Variants in SPPL3 observed in about 807,000 individuals in gnomAD.
The protein encoded by SPPL3 is signal peptide peptidase like 3.
SPPL3 carries 5 observed loss-of-function variants against 42.4 expected under a neutral mutation model. The observed-to-expected ratio is 0.12, with a 90% confidence interval of 0.06 to 0.25. The LOEUF (loss-of-function observed/expected upper bound fraction) is 0.25. Ranked by LOEUF, SPPL3 falls within the 10% of genes least tolerant of loss-of-function variation. The pLI is 1.00. For synonymous variants in SPPL3, 195 were observed against 181.8 expected, an observed-to-expected ratio of 1.07 and a Z score of -0.58; for missense variants, 235 against 489.0, an observed-to-expected ratio of 0.48 and a Z score of 4.90.
intron 2 of SPPL3, among the ~76,000 whole-genome samples, chr12:120,807,611 T>C (rs1183355106): frequency 6.7e-6 from 1 of 148,160 alleles, no homozygotes; most frequent in Non-Finnish European, 1.5e-5. Flanking sequence ...GAGGCGGAGG[T>C]TGTGGTGAGC....
chr12:120,828,463 T>G (rs1047236076), intron 1 of SPPL3, among the ~76,000 whole-genome samples: 2 of 149,546 alleles, frequency 1.3e-5, no homozygotes, highest in Admixed American at 1.3e-4. Context: ...AGGAAGGAAG[T>G]AATACAGAGC....
At chr12:120,864,099 G>A (rs1283979427) in intron 1 of SPPL3, among the ~76,000 whole-genome samples, 1 of 152,116 alleles carries the variant, frequency 6.6e-6, no homozygotes, top group East Asian at 1.9e-4. Context: ...CCTTACCCAT[G>A]CATAATTCTG....
chr12:120,877,553 G>A (rs1046030231), intron 1 of SPPL3, among the ~76,000 whole-genome samples: 1 of 152,184 alleles, frequency 6.6e-6, no homozygotes, highest in Non-Finnish European at 1.5e-5. Context: ...GGCCGAGGCG[G>A]GTGGATCACC....
At chr12:120,885,593 G>C (rs971434884) in intron 1 of SPPL3, among the ~76,000 whole-genome samples, 1 of 152,112 alleles carries the variant, frequency 6.6e-6, no homozygotes, top group Non-Finnish European at 1.5e-5. Flanking sequence ...ATCTAAACAT[G>C]CAAGTGCCCA....
At chr12:120,884,785 GT>G (rs1281463589) in intron 1 of SPPL3, among the ~76,000 whole-genome samples, 2 of 130,926 alleles carry the variant, frequency 1.5e-5, no homozygotes, top group Non-Finnish European at 3.2e-5. Flanking sequence ...TATGGCTAGA[GT>G]TTTTTTGGGT....
intron 1 of SPPL3, among the ~76,000 whole-genome samples, chr12:120,840,066 G>A (rs1871763632): frequency 6.6e-6 from 1 of 151,656 alleles, no homozygotes; most frequent in Admixed American, 6.6e-5. Context: ...GGATCACGAG[G>A]TCAGGAGTTC....
chr12:120,792,472 C>T (rs1203267372), intron 2 of SPPL3, among the ~76,000 whole-genome samples: 2 of 151,958 alleles, frequency 1.3e-5, no homozygotes, highest in Non-Finnish European at 2.9e-5. Flanking sequence ...GAGCCCCAGG[C>T]GGGCAGATCA....
At position 120,783,821 on chromosome 12, in the gene SPPL3, AT is replaced by A. The variant is rs1869623203; in HGVS notation, c.311-70del. On this transcript the variant is annotated intron_variant, in intron 4 of 10. Coordinates refer to ENST00000353487, the MANE Select transcript of SPPL3 (RefSeq NM_139015.5). ...AAATGGCATGACTTATAGAAACTTC[AT>A]TCCGCCAAACACTAGACAAGTGGAT... 2.9e-6 allele frequency: 4 copies of A among 1,386,620 alleles called. No homozygotes were observed. In the South Asian group the frequency reaches 4.9e-5, roughly 17 times the overall value. The allele number at this position is 1,386,620 out of a possible 1,614,324, so 85.9% of individuals were successfully genotyped here. A position where few individuals can be genotyped will look rare whatever the true frequency, so the allele number is the denominator to read the frequency against.
At chr12:120,865,280 T>G (rs548337189) in intron 1 of SPPL3, among the ~76,000 whole-genome samples, 1 of 152,212 alleles carries the variant, frequency 6.6e-6, no homozygotes, top group Non-Finnish European at 1.5e-5. Context: ...CTCACGCTCA[T>G]AGCGAACTGT....
chr12:120,892,363 A>G (rs956846489), intron 1 of SPPL3, among the ~76,000 whole-genome samples: 4 of 152,188 alleles, frequency 2.6e-5, no homozygotes, highest in Non-Finnish European at 5.9e-5. Context: ...ACAGATAAAG[A>G]GCTGTAGACA....
chr12:120,813,201 C>T (rs531384167), intron 1 of SPPL3, among the ~76,000 whole-genome samples: 1 of 151,792 alleles, frequency 6.6e-6, no homozygotes, highest in South Asian at 2.1e-4. Flanking sequence ...TGAGGAAAGA[C>T]TGATGCATAC....
At chr12:120,780,306 T>A (rs1869482603) in intron 6 of SPPL3, among the ~76,000 whole-genome samples, 1 of 147,986 alleles carries the variant, frequency 6.8e-6, no homozygotes, top group Admixed American at 6.7e-5. Context: ...AAAATAATAA[T>A]AAAAAAAATT....
intron 1 of SPPL3, among the ~76,000 whole-genome samples, chr12:120,850,956 T>TCTC (rs1439770150): frequency 2.0e-5 from 3 of 152,094 alleles, no homozygotes; most frequent in African/African-American, 7.2e-5. Flanking sequence ...TCCAGGATAA[T>TCTC]CTCATCTCAA....
chr12:120,791,123 T>C (rs1157914023), intron 3 of SPPL3, among the ~76,000 whole-genome samples: 2 of 152,130 alleles, frequency 1.3e-5, no homozygotes, highest in African/African-American at 4.8e-5. Context: ...CCTGGATATC[T>C]TGGCACTTTT....
chr12:120,803,656 C>T (rs1160517581), intron 2 of SPPL3, among the ~76,000 whole-genome samples: 1 of 152,034 alleles, frequency 6.6e-6, no homozygotes, highest in East Asian at 1.9e-4. Context: ...GTAAACATTA[C>T]ATGGTTAAAG....
intron 2 of SPPL3, among the ~76,000 whole-genome samples, chr12:120,793,536 A>G (rs1006043371): frequency 2.0e-5 from 3 of 152,224 alleles, no homozygotes; most frequent in Admixed American, 2.0e-4. Flanking sequence ...CAGGATGGCT[A>G]TAATAAAAAA....
At chr12:120,823,541 T>TTTC (rs1396228975) in intron 1 of SPPL3, among the ~76,000 whole-genome samples, 15 of 152,306 alleles carry the variant, frequency 9.8e-5, no homozygotes, top group African/African-American at 3.6e-4. Flanking sequence ...TCCTACTGGA[T>TTTC]TTCTTCCCTG....
intron 1 of SPPL3, among the ~76,000 whole-genome samples, chr12:120,818,946 A>G (rs1870966848): frequency 6.6e-6 from 1 of 152,240 alleles, no homozygotes; most frequent in Non-Finnish European, 1.5e-5. Context: ...CATTCTTCAC[A>G]TGTTTGCAAA....
intron 1 of SPPL3, among the ~76,000 whole-genome samples, chr12:120,822,827 T>C (rs188048931): frequency 6.6e-6 from 1 of 152,076 alleles, no homozygotes; most frequent in Non-Finnish European, 1.5e-5. Context: ...TTGCAGTATC[T>C]AATGTCTGTT....
Sources: allele counts gnomAD v4.1 joint callset (sites outside exome capture counted in the v4.1 genomes callset), GRCh38; gene constraint gnomAD v4.1.1; transcripts MANE v1.5; gene names NCBI Gene and HGNC (gene_info 2026-07-23, HGNC 2026-07-21).